Variants in COLEC10 observed in about 807,000 individuals in gnomAD.
COLEC10 encodes collectin-10.
COLEC10 carries 22 observed loss-of-function variants against 28.4 expected under a neutral mutation model. The observed-to-expected ratio is 0.78, with a 90% CI of 0.55 to 1.11. The LOEUF is 1.11. Ranked by LOEUF, COLEC10 falls within the 50% of genes least tolerant of loss-of-function variation. COLEC10 has a pLI of 0.00. For missense variants in COLEC10, 361 were observed against 344.1 expected (o/e 1.05, Z -0.39); for synonymous variants, 125 against 116.1 (o/e 1.08, Z -0.49).
At chr8:119,076,437 A>C (rs1276105371) in intron 1 of COLEC10, among the ~76,000 whole-genome samples, 7 of 151,090 alleles carry the variant, frequency 4.6e-5, no homozygotes, top group African/African-American at 1.7e-4. Flanking sequence ...AATTTTTTGT[A>C]TTTTTAGTAG....
At chr8:119,094,575 A>T (rs1450576622) in intron 3 of COLEC10, among the ~76,000 whole-genome samples, 14 of 152,198 alleles carry the variant, frequency 9.2e-5, no homozygotes, top group Admixed American at 8.5e-4. Context: ...GAAGGGAATC[A>T]TACTAAGGCA....
chr8:119,045,179 A>G (rs1433202548), intron 2 of COLEC10, among the ~76,000 whole-genome samples: 1 of 152,210 alleles, frequency 6.6e-6, no homozygotes, highest in Non-Finnish European at 1.5e-5. Flanking sequence ...TCCTCCTGGG[A>G]TTGACCTCCG....
chr8:119,048,416 G>C (rs1814620331), intron 2 of COLEC10, among the ~76,000 whole-genome samples: 1 of 152,172 alleles, frequency 6.6e-6, no homozygotes, highest in Non-Finnish European at 1.5e-5. Flanking sequence ...TTTATGACTT[G>C]ATAATCTAAC....
At chr8:119,042,159 A>G (rs537094080) in intron 2 of COLEC10, among the ~76,000 whole-genome samples, 5 of 151,164 alleles carry the variant, frequency 3.3e-5, no homozygotes, top group African/African-American at 1.2e-4. Flanking sequence ...CACCATGCCC[A>G]GCTAATTTTT....
At chr8:118,978,994 A>G in the COLEC10 span, among the ~76,000 whole-genome samples, 3 of 152,056 alleles carry the variant, frequency 2.0e-5, no homozygotes, top group Non-Finnish European at 1.5e-5. Context: ...GTGTTATTTG[A>G]CACAGAGATG....
In COLEC10 at chr8:119,067,270, G is replaced by C; in HGVS notation, c.-12G>C. The C allele has an allele frequency of 6.2e-7, 1 of 1,612,422 alleles. No individual in the cohort carries two copies. The highest frequency in any genetic ancestry group is 2.2e-5 in the East Asian group (1 of 44,850). ...GCATTTCTGGGAGACCCTTTTCTGAGGAACCACAGCAATGAATGGCTTTGC... is the reference window on the plus strand; with the variant it reads ...GCATTTCTGGGAGACCCTTTTCTGACGAACCACAGCAATGAATGGCTTTGC... On this transcript the variant is annotated 5_prime_UTR_variant, in exon 1 of 6. Coordinates refer to ENST00000332843, the MANE Select transcript of COLEC10 (RefSeq NM_006438.5).
chr8:119,041,711 T>G (rs568135863), intron 2 of COLEC10, among the ~76,000 whole-genome samples: 109 of 152,290 alleles, frequency 7.2e-4, no homozygotes, highest in African/African-American at 2.6e-3. Context: ...TAAATAAATA[T>G]TATTGTTACA....
the COLEC10 span, among the ~76,000 whole-genome samples, chr8:118,964,516 A>G: frequency 6.6e-6 from 1 of 152,196 alleles, no homozygotes; most frequent in South Asian, 2.1e-4. Context: ...ATTCTGTATT[A>G]TTAGTCCACT....
rs559392428 is a variant in COLEC10 at position 119,016,327 on chromosome 8, T to G, written n.235+6774T>G. Among the ~76,000 whole-genome samples, 5 of 152,274 alleles carry G rather than the reference T, an allele frequency of 3.3e-5. No homozygotes were observed. The East Asian group carries it at 9.7e-4, about 29-fold the overall frequency. On this transcript the variant is annotated intron_variant and non_coding_transcript_variant, in intron 2 of 6. Coordinates refer to the COLEC10 transcript ENST00000521788. ...GTTGGCTAGAATGATGGCTTCCAGC[T>G]TCATCCACTTCCCTGCAAAGGACAT...
At position 119,106,361 on chromosome 8, in the gene COLEC10, A is replaced by G; in HGVS notation, c.*170A>G. ...CATGCTCTTTTGTGATGATTTTCAT[A>G]TTTTCACACATGGTATATTATTGAC... is the stretch of plus-strand genomic sequence containing the variant. On this transcript the variant is annotated 3_prime_UTR_variant, in exon 6 of 6. Coordinates refer to ENST00000332843, the MANE Select transcript of COLEC10 (RefSeq NM_006438.5). 2 of 642,436 alleles carry G rather than the reference A, an allele frequency of 3.1e-6. No homozygotes were observed. Among genetic ancestry groups the G allele is most frequent in the South Asian group, 4.3e-5 (2 of 46,008 alleles). The allele number at this position is 642,436 out of a possible 1,614,324, so 39.8% of individuals were successfully genotyped here. A position where few individuals can be genotyped will look rare whatever the true frequency, so the allele number is the denominator to read the frequency against.
intron 1 of COLEC10, among the ~76,000 whole-genome samples, chr8:119,078,537 G>T (rs776785765): frequency 6.6e-6 from 1 of 152,152 alleles, no homozygotes; most frequent in Non-Finnish European, 1.5e-5. Flanking sequence ...GAGATTACGA[G>T]TTCTTAATTG....
At chr8:119,086,078 G>A (rs994803076) in intron 1 of COLEC10, among the ~76,000 whole-genome samples, 3 of 152,098 alleles carry the variant, frequency 2.0e-5, no homozygotes, top group Non-Finnish European at 4.4e-5. Flanking sequence ...TTGAGTAAAG[G>A]GTACTGGCCT....
At chr8:119,026,772 T>G (rs1285844812) in intron 2 of COLEC10, among the ~76,000 whole-genome samples, 1 of 152,108 alleles carries the variant, frequency 6.6e-6, no homozygotes, top group Non-Finnish European at 1.5e-5. Flanking sequence ...ACAAAGCCAA[T>G]CTTATGAGGA....
In COLEC10 at chr8:119,091,234, T is replaced by C. The variant is rs762940466; in HGVS notation, c.292+14T>C. ...TTGGGAAGAAGGGTAAGTTGCATCT[T>C]ACTATTCTCCAGTAGCAATTCAAAG... On this transcript the variant is annotated intron_variant, in intron 3 of 5. Coordinates refer to ENST00000332843, the MANE Select transcript of COLEC10 (RefSeq NM_006438.5). 3.1e-6 allele frequency: 5 copies of C among 1,604,012 alleles called. 1 individual carries two copies. The highest frequency in any genetic ancestry group is 3.3e-5 in the Admixed American group (2 of 59,728).
chr8:119,060,299 A>G (rs1814832573), intron 2 of COLEC10, among the ~76,000 whole-genome samples: 1 of 152,174 alleles, frequency 6.6e-6, no homozygotes, highest in African/African-American at 2.4e-5. Context: ...TGTGAAAACT[A>G]TCTATCATTG....
chr8:119,010,843 G>A (rs1377130841), intron 2 of COLEC10, among the ~76,000 whole-genome samples: 1 of 150,906 alleles, frequency 6.6e-6, no homozygotes. Flanking sequence ...TTTTTAATTG[G>A]GTTGTTAGCT....
At chr8:118,968,635 TAC>T in the COLEC10 span, among the ~76,000 whole-genome samples, 3 of 151,912 alleles carry the variant, frequency 2.0e-5, no homozygotes, top group Admixed American at 6.6e-5. Flanking sequence ...ATATATAATA[TAC>T]ACACACACAT....
At position 118,995,630 on chromosome 8, in the gene COLEC10, C is replaced by A. The variant is rs529305660; in HGVS notation, n.122+57C>A. On this transcript the variant is annotated intron_variant and non_coding_transcript_variant, in intron 1 of 6. Coordinates refer to the COLEC10 transcript ENST00000521788. ...CCTGGTGCATGAAACAATTTGTTTT[C>A]TACCAGAGTCTTAGCAGGAGGTTTC... 2.0e-5 allele frequency: 3 copies of A among 152,234 alleles called. No homozygotes were observed. In the South Asian group the frequency reaches 6.2e-4, roughly 32 times the overall value. 9.4% of individuals were successfully genotyped at this position (152,234 alleles called of 1,614,324 possible).
chr8:119,069,619 AAAAAAAAAAAATATATATATATATAT>A (rs1193532437), intron 1 of COLEC10, among the ~76,000 whole-genome samples: 16 of 61,362 alleles, frequency 2.6e-4, no homozygotes, highest in African/African-American at 1.0e-3. Flanking sequence ...AAAAAAAAAA[AAAAAAAAAAAATATATATATATATAT>A]ATATATATAT....
Sources: allele counts gnomAD v4.1 joint callset (sites outside exome capture counted in the v4.1 genomes callset), GRCh38; gene constraint gnomAD v4.1.1; transcripts MANE v1.5; gene names NCBI Gene and HGNC (gene_info 2026-07-23, HGNC 2026-07-21).